Variants in RALY observed in about 807,000 individuals in gnomAD.
The protein encoded by RALY is RALY heterogeneous nuclear ribonucleoprotein, also known as RNA-binding protein Raly.
Under a neutral mutation model 30.7 loss-of-function variants are expected in RALY, and 15 were observed. The observed-to-expected ratio is 0.49, with a 90% confidence interval of 0.33 to 0.75. The LOEUF (loss-of-function observed/expected upper bound fraction) is 0.75, where lower values mean the gene tolerates loss of function less well. RALY is among the 30% of genes least tolerant of loss of function. The pLI, the probability that RALY is intolerant of heterozygous loss-of-function variation, is 0.02. For missense variants in RALY, 339 were observed against 414.3 expected (o/e 0.82, Z 1.58); for synonymous variants, 177 against 170.8 (o/e 1.04, Z -0.28).
chr20:34,057,910 G>A (rs550887325), intron 2 of RALY, among the ~76,000 whole-genome samples: 38 of 152,150 alleles, frequency 2.5e-4, no homozygotes, highest in Non-Finnish European at 3.5e-4. Context: ...GATGTCCAAG[G>A]TCACACAGCT....
At chr20:34,002,931 TG>T (rs2030985745) in intron 1 of RALY, among the ~76,000 whole-genome samples, 2 of 152,252 alleles carry the variant, frequency 1.3e-5, no homozygotes, top group East Asian at 3.8e-4. Flanking sequence ...TGGAATTATC[TG>T]AGGTGTGGTT....
At chr20:34,025,008 G>A (rs1013452785) in intron 1 of RALY, among the ~76,000 whole-genome samples, 1 of 152,214 alleles carries the variant, frequency 6.6e-6, no homozygotes, top group South Asian at 2.1e-4. Context: ...AAATAGATTG[G>A]CAAGTTGGCT....
At chr20:34,046,623 A>C (rs1269833030) in intron 2 of RALY, among the ~76,000 whole-genome samples, 2 of 152,200 alleles carry the variant, frequency 1.3e-5, no homozygotes, top group Non-Finnish European at 2.9e-5. Flanking sequence ...TTACCACTGC[A>C]AGTGATTCCA....
chr20:34,027,826 T>C (rs2032100763), intron 1 of RALY, among the ~76,000 whole-genome samples: 2 of 152,256 alleles, frequency 1.3e-5, no homozygotes, highest in South Asian at 2.1e-4. Context: ...CCATCCTAAC[T>C]CTGCCCTTTT....
At chr20:34,060,311 G>A (rs560021844) in intron 2 of RALY, among the ~76,000 whole-genome samples, 2 of 152,348 alleles carry the variant, frequency 1.3e-5, no homozygotes, top group South Asian at 2.1e-4. Flanking sequence ...GAAACTTTCT[G>A]AGTGCCAACA....
rs140309662 is a variant in RALY, at chr20:34,071,952, A to G, written c.-9-114A>G. On this transcript the variant is annotated intron_variant, in intron 2 of 9. Coordinates refer to ENST00000246194, the MANE Select transcript of RALY (RefSeq NM_016732.3). ...CAAGATGCAGGAACAGGTAGGCTGG[A>G]TGCTATAAGGGTTAAGGAAGGTAAG... 6,498 of 1,178,990 alleles carry G rather than the reference A, an allele frequency of 5.5e-3. 25 individuals carry two copies. Among genetic ancestry groups the G allele is most frequent in the Non-Finnish European group, 7.2e-3 (6,039 of 836,812 alleles). The allele number at this position is 1,178,990 out of a possible 1,614,324, so 73.0% of individuals were successfully genotyped here. A position where few individuals can be genotyped will look rare whatever the true frequency, so the allele number is the denominator to read the frequency against.
intron 1 of RALY, among the ~76,000 whole-genome samples, chr20:33,994,674 C>T (rs1360155826): frequency 1.3e-5 from 2 of 152,116 alleles, no homozygotes; most frequent in African/African-American, 4.8e-5. Flanking sequence ...ACAACGGGCC[C>T]TCGAACTGGG....
chr20:34,023,757 G>C (rs1407349677), intron 1 of RALY, among the ~76,000 whole-genome samples: 2 of 151,900 alleles, frequency 1.3e-5, no homozygotes, highest in East Asian at 3.9e-4. Context: ...GGTATAATAG[G>C]GCCAGAACCA....
At chr20:34,013,880 T>C (rs955541712) in intron 1 of RALY, among the ~76,000 whole-genome samples, 2 of 152,310 alleles carry the variant, frequency 1.3e-5, no homozygotes, top group Admixed American at 6.5e-5. Flanking sequence ...TTGATACTTA[T>C]AGTATAGTTT....
At chr20:34,057,045 T>C (rs1478353780) in intron 2 of RALY, among the ~76,000 whole-genome samples, 3 of 152,172 alleles carry the variant, frequency 2.0e-5, no homozygotes, top group Admixed American at 2.0e-4. Flanking sequence ...ATAAATCTAC[T>C]CAGGGAAAAC....
intron 1 of RALY, among the ~76,000 whole-genome samples, chr20:34,027,945 C>CAGG (rs1333355512): frequency 6.6e-6 from 1 of 152,186 alleles, no homozygotes; most frequent in Admixed American, 6.5e-5. Context: ...GATTAGAACT[C>CAGG]AGGTCTCTTA....
At chr20:34,005,071 T>G (rs958183973) in intron 1 of RALY, among the ~76,000 whole-genome samples, 18 of 152,222 alleles carry the variant, frequency 1.2e-4, no homozygotes, top group African/African-American at 4.1e-4. Context: ...AGCAGCATTT[T>G]CATGTTAAAC....
chr20:34,009,824 G>T (rs576436580), intron 1 of RALY, among the ~76,000 whole-genome samples: 3 of 152,280 alleles, frequency 2.0e-5, no homozygotes, highest in South Asian at 4.1e-4. Flanking sequence ...CCCAGTGTCA[G>T]TTGCCGTTTA....
chr20:34,016,793 T>G (rs564872721), intron 1 of RALY, among the ~76,000 whole-genome samples: 7 of 152,398 alleles, frequency 4.6e-5, no homozygotes, highest in Middle Eastern at 3.4e-3. Context: ...TCTCTGGGTC[T>G]GCCTGGGGCG....
intron 2 of RALY, among the ~76,000 whole-genome samples, chr20:34,064,441 G>A (rs1405943770): frequency 1.3e-5 from 2 of 152,172 alleles, no homozygotes; most frequent in African/African-American, 4.8e-5. Context: ...ATAGGACCGC[G>A]CAGTACAGTT....
intron 1 of RALY, among the ~76,000 whole-genome samples, chr20:34,027,404 G>C (rs1007744350): frequency 6.6e-6 from 1 of 152,190 alleles, no homozygotes. Context: ...ACACCCAGCC[G>C]TGTGCCTGAG....
intron 8 of RALY, among the ~76,000 whole-genome samples, chr20:34,078,159 A>G (rs2033947481): frequency 6.6e-6 from 1 of 152,234 alleles, no homozygotes; most frequent in Admixed American, 6.5e-5. Context: ...AGCAGTGTCC[A>G]TAAAGGCCCT....
intron 2 of RALY, among the ~76,000 whole-genome samples, chr20:34,040,949 C>T (rs193005097): frequency 7.9e-5 from 12 of 152,240 alleles, no homozygotes; most frequent in Admixed American, 6.5e-4. Context: ...CAAGAATAGG[C>T]GTTTGGTGCC....
At chr20:34,019,242 C>T (rs2123046420) in intron 1 of RALY, among the ~76,000 whole-genome samples, 1 of 152,178 alleles carries the variant, frequency 6.6e-6, no homozygotes, top group Middle Eastern at 3.4e-3. Context: ...AGGAGAATTG[C>T]TTGAACCCGA....
Sources: allele counts gnomAD v4.1 joint callset (sites outside exome capture counted in the v4.1 genomes callset), GRCh38; gene constraint gnomAD v4.1.1; transcripts MANE v1.5; gene names NCBI Gene and HGNC (gene_info 2026-07-23, HGNC 2026-07-21).